The following RPTOR variants were observed in gnomAD, a reference collection of about 807,000 sequenced individuals.
RPTOR encodes the protein regulatory-associated protein of mTOR.
Under a neutral mutation model 169.9 loss-of-function variants are expected in RPTOR, and 21 were observed. The observed-to-expected ratio is 0.12, with a 90% CI of 0.09 to 0.18. The LOEUF is 0.18. Ranked by LOEUF, RPTOR falls within the 10% of genes least tolerant of loss-of-function variation. The probability of loss-of-function intolerance (pLI) is 1.00; values close to 1 mark genes in which losing one functional copy is unlikely to be tolerated. For synonymous variants in RPTOR, 732 were observed against 753.2 expected (o/e 0.97, Z 0.46); for missense variants, 1,133 against 1,855.9 (o/e 0.61, Z 7.16).
chr17:80,840,470 C>T (rs1224076191), intron 10 of RPTOR, among the ~76,000 whole-genome samples: 1 of 144,454 alleles, frequency 6.9e-6, no homozygotes, highest in African/African-American at 2.6e-5. Flanking sequence ...CCGCAGCTCA[C>T]GCTCACCGCA....
At chr17:80,765,528 C>T (rs558159878) in intron 6 of RPTOR, among the ~76,000 whole-genome samples, 1 of 152,162 alleles carries the variant, frequency 6.6e-6, no homozygotes, top group African/African-American at 2.4e-5. Flanking sequence ...TAACACCACA[C>T]GCCTGTAAGG....
chr17:80,942,469 G>C lies in RPTOR; in HGVS notation c.3025+1868G>C, dbSNP rs530631528. On this transcript the variant is annotated intron_variant, in intron 25 of 33. Coordinates refer to ENST00000306801, the MANE Select transcript of RPTOR (RefSeq NM_020761.3). ...TGTCCAGACACACAAAGGAGGAGCT[G>C]CTGAGCCGCTGGAGACACCACCAAA... Among the ~76,000 whole-genome samples the C allele has an allele frequency of 3.0e-4, 45 of 151,860 alleles. No homozygotes were observed. In the South Asian group the frequency reaches 5.2e-3, roughly 18 times the overall value.
intron 3 of RPTOR, among the ~76,000 whole-genome samples, chr17:80,706,894 A>G (rs761689811): frequency 1.3e-4 from 20 of 152,212 alleles, no homozygotes; most frequent in Non-Finnish European, 2.5e-4. Context: ...TGTGTTTTCC[A>G]GGAGAGCTTT....
At chr17:80,598,989 G>C (rs2065166335) in intron 1 of RPTOR, among the ~76,000 whole-genome samples, 1 of 151,918 alleles carries the variant, frequency 6.6e-6, no homozygotes, top group Non-Finnish European at 1.5e-5. Context: ...GATCACTGCA[G>C]CCTCAACCTC....
chr17:80,591,379 T>G (rs1448081406), intron 1 of RPTOR, among the ~76,000 whole-genome samples: 1 of 149,664 alleles, frequency 6.7e-6, no homozygotes, highest in African/African-American at 2.5e-5. Flanking sequence ...CTTCCTTTCT[T>G]TTTTTCTTTT....
intron 1 of RPTOR, among the ~76,000 whole-genome samples, chr17:80,574,801 G>A (rs1448001494): frequency 5.4e-5 from 8 of 149,148 alleles, no homozygotes; most frequent in South Asian, 2.1e-4. Flanking sequence ...GACTACAGAT[G>A]TGTGCCACCA....
At chr17:80,902,118 A>G (rs2068483728) in intron 20 of RPTOR, among the ~76,000 whole-genome samples, 1 of 151,658 alleles carries the variant, frequency 6.6e-6, no homozygotes, top group African/African-American at 2.4e-5. Flanking sequence ...AGAATCCCCT[A>G]CCTCAATCCC....
intron 1 of RPTOR, among the ~76,000 whole-genome samples, chr17:80,603,326 G>A (rs1316158168): frequency 6.6e-6 from 1 of 152,198 alleles, no homozygotes; most frequent in African/African-American, 2.4e-5. Flanking sequence ...GATTTTTCTG[G>A]GAGCTTCACA....
At chr17:80,599,187 T>TCCC (rs2065167918) in intron 1 of RPTOR, among the ~76,000 whole-genome samples, 1 of 152,154 alleles carries the variant, frequency 6.6e-6, no homozygotes, top group Non-Finnish European at 1.5e-5. Flanking sequence ...TAAAAGGCTC[T>TCCC]CCCCTGGATC....
At chr17:80,776,514 T>G (rs2066893636) in intron 6 of RPTOR, among the ~76,000 whole-genome samples, 1 of 151,976 alleles carries the variant, frequency 6.6e-6, no homozygotes, top group South Asian at 2.1e-4. Context: ...TTAGTAGAGA[T>G]GGGGTTTCAC....
At position 80,896,976 on chromosome 17, in the gene RPTOR, G is replaced by T. The variant is rs142425900; in HGVS notation, c.2401+3111G>T. ...GCTGGCAAAAAAAGAAAGAATGCCA[G>T]TGGGCTGGGCACGGTCCCTCACGCC... On this transcript the variant is annotated intron_variant, in intron 20 of 33. Transcript: ENST00000306801. 8.5e-5 allele frequency among the ~76,000 whole-genome samples: 13 copies of T among 152,328 alleles called. No individual in the cohort carries two copies. In the East Asian group the frequency reaches 2.5e-3, roughly 29 times the overall value.
chr17:80,782,115 G>A (rs1300358167), intron 6 of RPTOR, among the ~76,000 whole-genome samples: 1 of 152,220 alleles, frequency 6.6e-6, no homozygotes, highest in African/African-American at 2.4e-5. Context: ...CATAGGGTCA[G>A]CTCTTCGGGG....
chr17:80,962,315 G>T (rs535523492), intron 31 of RPTOR, 146 bp from the exon 32 acceptor site: 2 of 676,712 alleles, frequency 3.0e-6, no homozygotes, highest in East Asian at 5.1e-5. Flanking sequence ...CCTCACTGGG[G>T]ACGCTGAGCA....
At chr17:80,765,526 C>T (rs1484885674) in intron 6 of RPTOR, among the ~76,000 whole-genome samples, 4 of 152,190 alleles carry the variant, frequency 2.6e-5, no homozygotes, top group Non-Finnish European at 4.4e-5. Flanking sequence ...TCTAACACCA[C>T]ACGCCTGTAA....
chr17:80,848,896 A>T (rs1567947637), intron 11 of RPTOR, among the ~76,000 whole-genome samples: 2 of 152,164 alleles, frequency 1.3e-5, no homozygotes, highest in Non-Finnish European at 2.9e-5. Flanking sequence ...CAGCTTTCTG[A>T]TGGTGACGTA....
intron 20 of RPTOR, among the ~76,000 whole-genome samples, chr17:80,894,302 C>T (rs1055214170): frequency 1.6e-4 from 24 of 152,324 alleles, no homozygotes; most frequent in African/African-American, 5.8e-4. Context: ...GGAAGCTGCT[C>T]ACATCCCCTG....
rs1354672927 is a variant in RPTOR at position 80,700,110 on chromosome 17, G to A, written c.349-7731G>A. Reference sequence around the variant, plus strand: ...GTTCTGGGCAGAAGGCTGGAAAGTAGGTTAGAACATAATGAGGCAAAAGGC... The same window carrying A: ...GTTCTGGGCAGAAGGCTGGAAAGTAAGTTAGAACATAATGAGGCAAAAGGC... On this transcript the variant is annotated intron_variant, in intron 3 of 33. Transcript: ENST00000306801. 2.0e-5 allele frequency among the ~76,000 whole-genome samples: 3 copies of A among 152,200 alleles called. No individual in the cohort carries two copies. In the South Asian group the frequency reaches 6.2e-4, roughly 31 times the overall value.
chr17:80,857,275 G>A (rs1190932208), intron 12 of RPTOR, among the ~76,000 whole-genome samples: 3 of 152,246 alleles, frequency 2.0e-5, no homozygotes, highest in African/African-American at 4.8e-5. Flanking sequence ...CTTTCCCAGG[G>A]CAGGCATCTT....
At chr17:80,711,162 T>C (rs1292517027) in intron 4 of RPTOR, among the ~76,000 whole-genome samples, 1 of 152,096 alleles carries the variant, frequency 6.6e-6, no homozygotes, top group Non-Finnish European at 1.5e-5. Flanking sequence ...GTATCGGGGG[T>C]ATCTGTGAGT....
Sources: gnomAD v4.1 joint callset for allele counts (sites outside exome capture counted in the v4.1 genomes callset) on GRCh38, gnomAD v4.1.1 for gene constraint, MANE v1.5 for transcripts, NCBI Gene and HGNC (gene_info 2026-07-23, HGNC 2026-07-21) for gene names.